Variants in TBC1D9 observed in about 807,000 individuals in gnomAD.
TBC1D9 encodes TBC1 domain family member 9A.
In TBC1D9, 63 loss-of-function variants were observed where a neutral mutation model predicts 132.0. The ratio of observed to expected loss-of-function variants is 0.48; its 90% CI spans 0.39 to 0.59. TBC1D9 has a LOEUF of 0.59. Ranked by LOEUF, TBC1D9 falls within the 20% of genes least tolerant of loss-of-function variation. TBC1D9 has a pLI of 0.00. For synonymous variants in TBC1D9, 610 were observed against 609.9 expected, an observed-to-expected ratio of 1.00 and a Z score of 0.00; for missense variants, 1,261 against 1,592.7, an observed-to-expected ratio of 0.79 and a Z score of 3.54.
chr4:140,669,893 A>C (rs1034303025), intron 7 of TBC1D9, 89 bp from the exon 8 acceptor site: 3 of 1,292,766 alleles, frequency 2.3e-6, no homozygotes, highest in Non-Finnish European at 3.2e-6. Flanking sequence ...ATCAAAAGCT[A>C]CATCATTTTT....
intron 17 of TBC1D9, among the ~76,000 whole-genome samples, chr4:140,627,889 C>A (rs1369941372): frequency 6.6e-6 from 1 of 152,202 alleles, no homozygotes; most frequent in African/African-American, 2.4e-5. Flanking sequence ...CCAATCTCAT[C>A]TCATTTTTAA....
rs1347920759 is a variant in TBC1D9 at position 140,706,829 on chromosome 4, A to T, written c.131-5215T>A. 6.6e-6 allele frequency among the ~76,000 whole-genome samples: 1 copy of T among 152,166 alleles called. No homozygotes were observed. The highest frequency in any genetic ancestry group is 6.5e-5 in the Admixed American group (1 of 15,282). On this transcript the variant is annotated intron_variant, in intron 1 of 20. Transcript: ENST00000442267. The surrounding 1 kb of genome is among the most constrained non-coding windows in gnomAD (Gnocchi z 4.0). The stretch of plus-strand genomic sequence containing the variant: ...CAGAATATACTTGTAAATCTGATTC[A>T]TTCATTTTAAAATATTGTGCAATAT...
chr4:140,659,960 C>T (rs1246909255), intron 10 of TBC1D9, among the ~76,000 whole-genome samples: 1 of 152,196 alleles, frequency 6.6e-6, no homozygotes, highest in East Asian at 1.9e-4. Context: ...TTCCTTAACA[C>T]CAATATTCAC....
chr4:140,625,016 C>T (rs1288843411), intron 18 of TBC1D9, among the ~76,000 whole-genome samples: 1 of 151,738 alleles, frequency 6.6e-6, no homozygotes. Context: ...GGTGCCATTG[C>T]ACTCCAGCCT....
intron 1 of TBC1D9, among the ~76,000 whole-genome samples, chr4:140,702,237 T>C (rs1294695661): frequency 6.6e-6 from 1 of 152,212 alleles, no homozygotes; most frequent in Non-Finnish European, 1.5e-5. Flanking sequence ...AGAACCCCAG[T>C]GATCCACTTA....
chr4:140,647,735 C>G (rs765188489), intron 13 of TBC1D9, among the ~76,000 whole-genome samples: 1 of 152,180 alleles, frequency 6.6e-6, no homozygotes, highest in Non-Finnish European at 1.5e-5. Context: ...AGGCAGGGCC[C>G]CTTCCTCAGC....
In TBC1D9 at chr4:140,752,442, C is replaced by T. The variant is rs191284689; in HGVS notation, c.130+3474G>A. Among the ~76,000 whole-genome samples the T allele has an allele frequency of 6.2e-4, 94 of 151,898 alleles. 1 individual carries two copies. The highest frequency in any genetic ancestry group is 2.7e-3 in the Admixed American group (41 of 15,260). ...ACAAAGAAAATCAAGGAAGTGTTTA[C>T]AAAAAAGCATGAGGATAGTCTTTAT... On this transcript the variant is annotated intron_variant, in intron 1 of 20. Coordinates refer to ENST00000442267, the MANE Select transcript of TBC1D9 (RefSeq NM_015130.3).
chr4:140,656,443 A>C (rs1737273551), intron 13 of TBC1D9, among the ~76,000 whole-genome samples: 1 of 152,158 alleles, frequency 6.6e-6, no homozygotes, highest in Non-Finnish European at 1.5e-5. Context: ...TCCTGTGCAA[A>C]TAACTCATAA....
intron 11 of TBC1D9, among the ~76,000 whole-genome samples, chr4:140,658,273 C>A (rs988846701): frequency 6.6e-6 from 1 of 152,134 alleles, no homozygotes; most frequent in Admixed American, 6.5e-5. Context: ...TAGAGCCTTA[C>A]TACACACCTA....
In TBC1D9 at chr4:140,689,536, T is replaced by C. The variant is rs112756380; in HGVS notation, c.242-3074A>G. On this transcript the variant is annotated intron_variant, in intron 2 of 20. Coordinates refer to ENST00000442267, the MANE Select transcript of TBC1D9 (RefSeq NM_015130.3). ...TCCCCCTTTTCCCTTCCATTCCCCC[T>C]TTTCCCTTCCCTTCTTTTTCCTTTC... is the stretch of plus-strand genomic sequence containing the variant. 2.6e-4 allele frequency among the ~76,000 whole-genome samples: 28 copies of C among 109,756 alleles called. 1 individual carries two copies. The highest frequency in any genetic ancestry group is 9.6e-4 in the African/African-American group (27 of 28,254). The allele number at this position is 109,756 out of a possible 152,430, so 72.0% of individuals were successfully genotyped here.
At chr4:140,669,315 T>A (rs1053894957) in intron 8 of TBC1D9, among the ~76,000 whole-genome samples, 1 of 152,124 alleles carries the variant, frequency 6.6e-6, no homozygotes, top group African/African-American at 2.4e-5. Context: ...GTATTTATGG[T>A]TTTATGTCTG....
At chr4:140,645,647 T>C (rs920306307) in intron 13 of TBC1D9, among the ~76,000 whole-genome samples, 5 of 152,358 alleles carry the variant, frequency 3.3e-5, no homozygotes, top group Non-Finnish European at 7.3e-5. Flanking sequence ...CCAGTGATTT[T>C]TCATCCTCTC....
intron 13 of TBC1D9, chr4:140,643,649 C>T: frequency 4.6e-6 from 5 of 1,081,846 alleles, no homozygotes; most frequent in Non-Finnish European, 6.5e-6. Context: ...CCTCCACTGG[C>T]TCCTCCTTGG....
intron 3 of TBC1D9, among the ~76,000 whole-genome samples, chr4:140,686,087 A>G (rs566122232): frequency 2.0e-5 from 3 of 152,202 alleles, no homozygotes; most frequent in Admixed American, 2.0e-4. Flanking sequence ...AAACACTCAC[A>G]TGTACCCCAG....
rs1455331435 is a variant in TBC1D9, at chr4:140,657,915, T to C, written c.1922-103A>G. 4.3e-5 allele frequency: 56 copies of C among 1,316,226 alleles called. 1 individual carries two copies. The East Asian group carries it at 1.3e-3, about 30-fold the overall frequency. The allele number at this position is 1,316,226 out of a possible 1,614,324, so 81.5% of individuals were successfully genotyped here. On this transcript the variant is annotated intron_variant, in intron 11 of 20. Coordinates refer to ENST00000442267, the MANE Select transcript of TBC1D9 (RefSeq NM_015130.3). ...GACTGCTAGCACAGGACTCTGTTCC[T>C]TTCTGCTGACTGTTCTGCTGTGACT...
chr4:140,677,067 G>T lies in TBC1D9; in HGVS notation c.886C>A (p.Arg296Ser). The change falls in exon 6 of 21, where the codon CGT becomes AGT. Residue 296 changes from arginine (R) to serine (S), a missense_variant. By Grantham distance (110) the Arg-to-Ser change is moderately radical. Transcript: ENST00000442267. The stretch of plus-strand genomic sequence containing the variant: ...TCTTTGGGCAGCCGGAAAAGTGCAC[G>T]GTATCTCTCACTCTTTGCCCTGGCA... ...LDARAKSERY[R>S]ALFRLPKDEK... 5 of 1,613,754 alleles carry T rather than the reference G, an allele frequency of 3.1e-6. No individual in the cohort carries two copies. The highest frequency in any genetic ancestry group is 4.2e-6 in the Non-Finnish European group (5 of 1,179,812).
intron 2 of TBC1D9, among the ~76,000 whole-genome samples, chr4:140,701,270 C>T (rs1209522111): frequency 6.6e-6 from 1 of 152,078 alleles, no homozygotes; most frequent in African/African-American, 2.4e-5. Context: ...GAGAGTGTCA[C>T]TACACATGGA....
chr4:140,657,549 C>T lies in TBC1D9; in HGVS notation c.2185G>A (p.Glu729Lys), dbSNP rs1416683418. The T allele has an allele frequency of 6.2e-7, 1 of 1,613,788 alleles. No homozygotes were observed. Among genetic ancestry groups the T allele is most frequent in the Non-Finnish European group, 8.5e-7 (1 of 1,179,788 alleles). ...TACCTTCCCAAAACGGTCATGGCCTCCCCATCATCCTTGCAGTTCAACAGT... is the reference window on the plus strand; with the variant it reads ...TACCTTCCCAAAACGGTCATGGCCTTCCCATCATCCTTGCAGTTCAACAGT... ...DKLLNCKDDGEAMTVLGRYLD... is the reference protein window; with the variant it reads ...DKLLNCKDDGKAMTVLGRYLD... The change falls in exon 12 of 21, where the codon GAG (glutamate) becomes AAG (lysine). Residue 729 changes from glutamate (E) to lysine (K), a missense_variant. Coordinates refer to ENST00000442267, the MANE Select transcript of TBC1D9 (RefSeq NM_015130.3).
rs140786885 is a variant in TBC1D9 at position 140,694,401 on chromosome 4, T to C, written c.241+7103A>G. Among the ~76,000 whole-genome samples the C allele has an allele frequency of 4.5e-3, 686 of 152,152 alleles. 7 individuals carry two copies. The highest frequency in any genetic ancestry group is 4.8e-3 in the Non-Finnish European group (327 of 67,982). On this transcript the variant is annotated intron_variant, in intron 2 of 20. Transcript: ENST00000442267. ...GCCTGGGCAGCATGATGAAACCTCATCTCTACTAAAAATACAAAAATTAGC... is the reference window on the plus strand; with the variant it reads ...GCCTGGGCAGCATGATGAAACCTCACCTCTACTAAAAATACAAAAATTAGC...
Sources: allele counts gnomAD v4.1 joint callset (sites outside exome capture counted in the v4.1 genomes callset), GRCh38; gene constraint gnomAD v4.1.1; non-coding constraint Gnocchi (gnomAD v3.1); transcripts MANE v1.5; gene names NCBI Gene and HGNC (gene_info 2026-07-23, HGNC 2026-07-21).